The following LYVE1 variants were observed in gnomAD, a reference collection of about 807,000 sequenced individuals.
LYVE1 encodes the protein lymphatic vessel endothelial hyaluronic acid receptor 1.
In LYVE1, 29 loss-of-function variants were observed where a neutral mutation model predicts 31.5. That is an observed-to-expected ratio of 0.92 (90% CI 0.69 to 1.26). LYVE1 has a LOEUF of 1.26. Ranked by LOEUF, LYVE1 falls within the 50% of genes most tolerant of loss-of-function variation. The pLI, the probability that LYVE1 is intolerant of heterozygous loss-of-function variation, is 0.00. For synonymous variants in LYVE1, 134 were observed against 139.4 expected (o/e 0.96, Z 0.27); for missense variants, 376 against 380.2 (o/e 0.99, Z 0.09).
chr11:10,559,295 T>C lies in LYVE1; in HGVS notation c.785A>G (p.Tyr262Cys). 4 of 1,612,900 alleles carry C rather than the reference T, an allele frequency of 2.5e-6. No homozygotes were observed. The highest frequency in any genetic ancestry group is 3.4e-6 in the Non-Finnish European group (4 of 1,179,360). Residue 262 changes from tyrosine to cysteine, a missense_variant and splice_region_variant, in exon 6 of 6, where the codon TAT becomes TGT. Transcript: ENST00000256178. ...GTTTGTAAAAGGGAAGGCCTTCACA[T>C]ACCTTTAGGCAGAAACATGAAATTA... is the stretch of plus-strand genomic sequence containing the variant. Reference protein sequence around the residue: ...AGLGFCYVKRYVKAFPFTNKN... With the variant: ...AGLGFCYVKRCVKAFPFTNKN...
chr11:10,563,528 G>A lies in LYVE1; in HGVS notation c.397+412C>T, dbSNP rs145045706. On this transcript the variant is annotated intron_variant, in intron 3 of 5. Transcript: ENST00000256178. ...AAATATGACCCCATTTTATATCAGG[G>A]ACTTGGGCATCTGTAGATTTTTGTA... 3.4e-4 allele frequency among the ~76,000 whole-genome samples: 52 copies of A among 152,216 alleles called. No homozygotes were observed. The East Asian group carries it at 9.6e-3, about 28-fold the overall frequency.
At position 10,560,797 on chromosome 11, in the gene LYVE1, G is replaced by C. The variant is rs1352009475; in HGVS notation, c.401C>G (p.Thr134Ser). ...FAAYCYNSSD[T>S]WTNSCIPEII... ...TTCTGGAATGCACGAGTTAGTCCAAGTATCTGTTGGGATAGGGAAACATGG... is the reference window on the plus strand; with the variant it reads ...TTCTGGAATGCACGAGTTAGTCCAACTATCTGTTGGGATAGGGAAACATGG... Residue 134 changes from threonine to serine, a missense_variant, in exon 4 of 6, where the codon ACT (threonine) becomes AGT (serine). By Grantham distance (58) the Thr-to-Ser change is moderately conservative (BLOSUM62 1). Coordinates refer to ENST00000256178, the MANE Select transcript of LYVE1 (RefSeq NM_006691.4). 3 of 1,606,714 alleles carry C rather than the reference G, an allele frequency of 1.9e-6. No homozygotes were observed. The highest frequency in any genetic ancestry group is 4.5e-5 in the East Asian group (2 of 44,798).
intron 3 of LYVE1, among the ~76,000 whole-genome samples, chr11:10,561,097 C>T (rs1482054077): frequency 6.6e-6 from 1 of 152,210 alleles, no homozygotes; most frequent in Non-Finnish European, 1.5e-5. Flanking sequence ...CTTTATCTTA[C>T]ATCCAAGCCT....
intron 3 of LYVE1, among the ~76,000 whole-genome samples, chr11:10,563,000 C>G (rs1033133645): frequency 1.3e-4 from 16 of 126,164 alleles, no homozygotes; most frequent in Non-Finnish European, 2.4e-4. Flanking sequence ...GTCGCCCAGG[C>G]TGGAGTGCAA....
At position 10,557,398 on chromosome 11, in the gene LYVE1, T is replaced by G. The variant is rs966119543; in HGVS notation, c.*1713A>C. The G allele has an allele frequency of 8.5e-5, 13 of 152,274 alleles. No homozygotes were observed. The highest frequency in any genetic ancestry group is 2.9e-4 in the African/African-American group (12 of 41,556). 9.4% of individuals were successfully genotyped at this position (152,274 alleles called of 1,614,324 possible). On this transcript the variant is annotated 3_prime_UTR_variant, in exon 6 of 6. Coordinates refer to ENST00000256178, the MANE Select transcript of LYVE1 (RefSeq NM_006691.4). ...TGATTTTTAATGCCTGGAAATGAAATCAAATTTTAAGATTATACTCCGTGG... is the reference window on the plus strand; with the variant it reads ...TGATTTTTAATGCCTGGAAATGAAAGCAAATTTTAAGATTATACTCCGTGG...
intron 1 of LYVE1, among the ~76,000 whole-genome samples, chr11:10,566,046 G>A (rs1191561007): frequency 1.3e-5 from 2 of 152,092 alleles, no homozygotes; most frequent in East Asian, 3.9e-4. Flanking sequence ...CCGACCTCAG[G>A]TGATCCACCC....
intron 3 of LYVE1, among the ~76,000 whole-genome samples, chr11:10,561,739 G>A (rs1850429733): frequency 6.6e-6 from 1 of 152,000 alleles, no homozygotes; most frequent in South Asian, 2.1e-4. Context: ...AAATGGCAGA[G>A]CCATGCAATA....
intron 1 of LYVE1, among the ~76,000 whole-genome samples, chr11:10,565,593 T>A (rs766890393): frequency 6.6e-6 from 1 of 152,216 alleles, no homozygotes; most frequent in Non-Finnish European, 1.5e-5. Flanking sequence ...GTCCTCCATA[T>A]GAACCTTGCT....
At chr11:10,563,256 G>A (rs183157564) in intron 3 of LYVE1, among the ~76,000 whole-genome samples, 213 of 152,082 alleles carry the variant, frequency 1.4e-3, no homozygotes, top group African/African-American at 4.4e-3. Context: ...GCCTGAACTC[G>A]GTTTCTTTAT....
intron 1 of LYVE1, among the ~76,000 whole-genome samples, chr11:10,565,420 C>T (rs1395443095): frequency 1.3e-5 from 2 of 152,346 alleles, no homozygotes; most frequent in African/African-American, 4.8e-5. Context: ...ATTATTCCTA[C>T]TGGGCTTCAT....
intron 1 of LYVE1, among the ~76,000 whole-genome samples, chr11:10,565,814 C>CTT (rs748679045): frequency 1.4e-5 from 2 of 143,326 alleles, no homozygotes; most frequent in Admixed American, 1.4e-4. Context: ...AACCCCAGTT[C>CTT]TTTTTTTTTT....
intron 4 of LYVE1, 78 bp downstream of exon 4, chr11:10,560,417 A>G (rs1850397377): frequency 2.3e-6 from 3 of 1,314,306 alleles, no homozygotes; most frequent in South Asian, 1.5e-5. Context: ...CCTCATCTAA[A>G]GACAGGCAGG....
intron 1 of LYVE1, among the ~76,000 whole-genome samples, chr11:10,564,599 A>G (rs116633635): frequency 0.021 from 3,214 of 152,292 alleles, 100 homozygotes; most frequent in African/African-American, 0.073. Context: ...CCCAATCAAA[A>G]TCTATCCCAT....
At chr11:10,560,466 C>CATAGA in intron 4 of LYVE1, 29 bp downstream of exon 4, 1 of 1,553,072 alleles carries the variant, frequency 6.4e-7, no homozygotes, top group Non-Finnish European at 8.7e-7. Flanking sequence ...CATACATACA[C>CATAGA]ACGTAACATA....
Position 10,568,457 on chromosome 11 carries a change from G to A in LYVE1, c.76C>T (p.Arg26Cys), listed in dbSNP as rs766644059. 24 of 1,613,670 alleles carry A rather than the reference G, an allele frequency of 1.5e-5. No homozygotes were observed. The highest frequency in any genetic ancestry group is 1.3e-4 in the South Asian group (12 of 91,052). Residue 26 changes from arginine to cysteine, a missense_variant, in exon 1 of 6, where the codon CGT (arginine) becomes TGT (cysteine). Physicochemically the swap from Arg to Cys is radical, Grantham distance 180 (BLOSUM62 -3). Transcript: ENST00000256178. The stretch of plus-strand genomic sequence containing the variant: ...CTGGTGAGAAACCTACCTTCTGCAC[G>A]CAAAGAGCCTTGGACCAGGAGCCTC... ...TTRLLVQGSL[R>C]AEELSIQVSC...
Position 10,568,600 on chromosome 11 carries a change from C to A in LYVE1, c.-68G>T. The A allele has an allele frequency of 6.4e-7, 1 of 1,562,500 alleles. No individual in the cohort carries two copies. Among genetic ancestry groups the A allele is most frequent in the South Asian group, 1.2e-5 (1 of 85,932 alleles). ...ACTGGTGATATGAGAGGCAGATGCT[C>A]AATAACTAGTCCGGATGGAGAGTTC... On this transcript the variant is annotated 5_prime_UTR_variant, in exon 1 of 6. Transcript: ENST00000256178.
In LYVE1 at chr11:10,564,157, C is replaced by T. The variant is rs749046416; in HGVS notation, c.257+46G>A. Reference sequence around the variant, plus strand: ...TCTATTGCTGAACAAGAACACAGAGCTAAAAAAGAACTCCAGCAGTGACAG... The same window carrying T: ...TCTATTGCTGAACAAGAACACAGAGTTAAAAAAGAACTCCAGCAGTGACAG... On this transcript the variant is annotated intron_variant, in intron 2 of 5. Coordinates refer to ENST00000256178, the MANE Select transcript of LYVE1 (RefSeq NM_006691.4). 5 of 1,613,974 alleles carry T rather than the reference C, an allele frequency of 3.1e-6. No individual in the cohort carries two copies. In the South Asian group the frequency reaches 5.5e-5, roughly 18 times the overall value.
At position 10,568,602 on chromosome 11, in the gene LYVE1, A is replaced by C. The variant is rs1850589896; in HGVS notation, c.-70T>G. The C allele has an allele frequency of 6.4e-7, 1 of 1,559,912 alleles. No homozygotes were observed. Among genetic ancestry groups the C allele is most frequent in the African/African-American group, 1.4e-5 (1 of 73,664 alleles). On this transcript the variant is annotated 5_prime_UTR_variant, in exon 1 of 6. Coordinates refer to ENST00000256178, the MANE Select transcript of LYVE1 (RefSeq NM_006691.4). The stretch of plus-strand genomic sequence containing the variant: ...TGGTGATATGAGAGGCAGATGCTCA[A>C]TAACTAGTCCGGATGGAGAGTTCTG...
At chr11:10,563,098 T>C (rs1175447765) in intron 3 of LYVE1, among the ~76,000 whole-genome samples, 1 of 151,906 alleles carries the variant, frequency 6.6e-6, no homozygotes, top group East Asian at 1.9e-4. Flanking sequence ...GGACTACAGG[T>C]GCCTGCCACC....
Sources: allele counts gnomAD v4.1 joint callset (sites outside exome capture counted in the v4.1 genomes callset), GRCh38; gene constraint gnomAD v4.1.1; transcripts MANE v1.5; gene names NCBI Gene and HGNC (gene_info 2026-07-23, HGNC 2026-07-21).